Variants in TMEM19 observed in about 807,000 individuals in gnomAD.
The protein encoded by TMEM19 is transmembrane protein 19.
A neutral mutation model predicts 33.6 loss-of-function variants in TMEM19; 21 were observed. That is an observed-to-expected ratio of 0.62 (90% CI 0.44 to 0.90). TMEM19 has a LOEUF of 0.90. Among genes scored for constraint, TMEM19 ranks in the 40% least tolerant of loss-of-function variants. The pLI is 0.00. For synonymous variants in TMEM19, 149 were observed against 147.5 expected (o/e 1.01, Z -0.07); for missense variants, 402 against 401.8 (o/e 1.00, Z 0.00).
At position 71,693,562 on chromosome 12, in the gene TMEM19, C is replaced by G. The variant is rs552227918; in HGVS notation, c.245-2874C>G. 6.6e-4 allele frequency among the ~76,000 whole-genome samples: 100 copies of G among 152,202 alleles called. 1 individual carries two copies. Among genetic ancestry groups the G allele is most frequent in the African/African-American group, 2.4e-3 (98 of 41,510 alleles). On this transcript the variant is annotated intron_variant, in intron 2 of 5. Coordinates refer to ENST00000266673, the MANE Select transcript of TMEM19 (RefSeq NM_018279.4). ...CAATGAATTATCATGAAGTGTTATC[C>G]ATGTAAAATGCTTAGCACAGTACTT...
chr12:71,689,064 T>G (rs1292914075), intron 1 of TMEM19, among the ~76,000 whole-genome samples: 1 of 152,166 alleles, frequency 6.6e-6, no homozygotes. Flanking sequence ...GGACATAACC[T>G]ATTTGGCCAT....
chr12:71,692,107 C>T (rs1455877558), intron 2 of TMEM19, among the ~76,000 whole-genome samples: 1 of 152,152 alleles, frequency 6.6e-6, no homozygotes, highest in Non-Finnish European at 1.5e-5. Flanking sequence ...AAATCTCAAA[C>T]AAGATATTAT....
intron 1 of TMEM19, among the ~76,000 whole-genome samples, chr12:71,688,815 C>G (rs1881735649): frequency 6.6e-6 from 1 of 152,190 alleles, no homozygotes; most frequent in Admixed American, 6.5e-5. Flanking sequence ...AAACACTCTG[C>G]TAGCCAAACA....
chr12:71,697,053 TG>T, intron 3 of TMEM19, among the ~76,000 whole-genome samples: 1 of 152,292 alleles, frequency 6.6e-6, no homozygotes, highest in African/African-American at 2.4e-5. Flanking sequence ...TTCACAACAA[TG>T]GGAAATGACA....
rs561053862 is a variant in TMEM19, at chr12:71,691,307, A to G, written c.244+1603A>G. 2.0e-5 allele frequency among the ~76,000 whole-genome samples: 3 copies of G among 152,298 alleles called. No individual in the cohort carries two copies. The East Asian group carries it at 5.8e-4, about 29-fold the overall frequency. On this transcript the variant is annotated intron_variant, in intron 2 of 5. Transcript: ENST00000266673. ...ATGAATTTTATTTTACCATATAATC[A>G]ATAAGTATTAGGAGTGGTTATATTT...
rs748102881 is a variant in TMEM19, at chr12:71,699,339, T to C, written c.847+230T>C. 1.5e-4 allele frequency: 92 copies of C among 605,762 alleles called. 1 individual carries two copies. The South Asian group carries it at 1.6e-3, about 11-fold the overall frequency. The allele number at this position is 605,762 out of a possible 1,614,324, so 37.5% of individuals were successfully genotyped here. A position where few individuals can be genotyped will look rare whatever the true frequency, so the allele number is the denominator to read the frequency against. ...ATGATTAGAAGCCATGTGGGGAAGA[T>C]ACAATAGTGCAGAGAACAGACGTTT... On this transcript the variant is annotated intron_variant, in intron 5 of 5. Coordinates refer to ENST00000266673, the MANE Select transcript of TMEM19 (RefSeq NM_018279.4).
rs1881978613 is a variant in TMEM19, at chr12:71,701,465, A to G, written c.*470A>G. The stretch of plus-strand genomic sequence containing the variant: ...TTTAAGCTGATGTGTATGGGAGCCT[A>G]AACAAGTGTAGTATCCTGAACTTCT... On this transcript the variant is annotated 3_prime_UTR_variant, in exon 6 of 6. Coordinates refer to ENST00000266673, the MANE Select transcript of TMEM19 (RefSeq NM_018279.4). 1 of 152,414 alleles carries G rather than the reference A, an allele frequency of 6.6e-6. No individual in the cohort carries two copies. Among genetic ancestry groups the G allele is most frequent in the East Asian group, 1.9e-4 (1 of 5,204 alleles). The allele number at this position is 152,414 out of a possible 1,614,324, so 9.4% of individuals were successfully genotyped here.
intron 2 of TMEM19, among the ~76,000 whole-genome samples, chr12:71,691,376 G>A (rs1357310809): frequency 1.3e-5 from 2 of 151,800 alleles, no homozygotes; most frequent in African/African-American, 2.4e-5. Context: ...TATGTACCAG[G>A]CACTGCTGTT....
intron 2 of TMEM19, chr12:71,690,518 G>A (rs542322150): frequency 1.9e-4 from 29 of 152,236 alleles, no homozygotes; most frequent in African/African-American, 6.7e-4. Context: ...ACTTGGGATA[G>A]ATCTGTAAAC....
At chr12:71,698,610 AGAGAGAG>A (rs761875948) in intron 4 of TMEM19, among the ~76,000 whole-genome samples, 14,022 of 47,476 alleles carry the variant, frequency 0.3, 1,172 homozygotes, top group East Asian at 0.49. Context: ...CTCTGAAAAG[AGAGAGAG>A]AGAGAGAGAG....
chr12:71,696,791 C>T (rs1000250792), intron 3 of TMEM19, among the ~76,000 whole-genome samples: 1 of 151,920 alleles, frequency 6.6e-6, no homozygotes, highest in Non-Finnish European at 1.5e-5. Context: ...GGACTACAGG[C>T]GCCTGCAACC....
chr12:71,698,650 A>G (rs1029106025), intron 4 of TMEM19, among the ~76,000 whole-genome samples: 14 of 147,160 alleles, frequency 9.5e-5, no homozygotes, highest in Admixed American at 8.7e-4. Flanking sequence ...AGAGAGAGAG[A>G]GAGAGAGAGA....
chr12:71,702,635 A>AGTACTGAT lies in TMEM19; in HGVS notation c.*1643_*1650dup, dbSNP rs1430253441. On this transcript the variant is annotated 3_prime_UTR_variant, in exon 6 of 6. Transcript: ENST00000266673. ...AGCCACCAGGGCATGTTTTTAAAAA[A>AGTACTGAT]GTACTGATGTCTGGGTTTCACACTG... 1 of 152,226 alleles carries AGTACTGAT rather than the reference A, an allele frequency of 6.6e-6. No homozygotes were observed. Among genetic ancestry groups the AGTACTGAT allele is most frequent in the East Asian group, 1.9e-4 (1 of 5,184 alleles). The allele number at this position is 152,226 out of a possible 1,614,324, so 9.4% of individuals were successfully genotyped here.
At position 71,696,444 on chromosome 12, in the gene TMEM19, G is replaced by A. The variant is rs150015329; in HGVS notation, c.253G>A (p.Val85Ile). The change falls in exon 3 of 6, where the codon GTT (valine) becomes ATT (isoleucine). Residue 85 changes from valine (V) to isoleucine (I), a missense_variant. Coordinates refer to ENST00000266673, the MANE Select transcript of TMEM19 (RefSeq NM_018279.4). ...ATATATGTTTCTTTCAGGGCTAGTCGTTGGATTTATCCTAACCATTGCAAA... is the reference window on the plus strand; with the variant it reads ...ATATATGTTTCTTTCAGGGCTAGTCATTGGATTTATCCTAACCATTGCAAA... ...DHSGALGGLV[V>I]GFILTIANFS... 4.2e-5 allele frequency: 68 copies of A among 1,600,398 alleles called. No homozygotes were observed. Among genetic ancestry groups the A allele is most frequent in the Admixed American group, 1.2e-4 (7 of 58,422 alleles).
At position 71,701,930 on chromosome 12, in the gene TMEM19, C is replaced by G. The variant is rs1306200789; in HGVS notation, c.*935C>G. The G allele has an allele frequency of 6.6e-6, 1 of 152,240 alleles. No individual in the cohort carries two copies. The highest frequency in any genetic ancestry group is 2.4e-5 in the African/African-American group (1 of 41,468). The allele number at this position is 152,240 out of a possible 1,614,324, so 9.4% of individuals were successfully genotyped here. A position where few individuals can be genotyped will look rare whatever the true frequency, so the allele number is the denominator to read the frequency against. ...ACCTTCTAAGTTGTATTCTCTCTTA[C>G]ACTGTAGCCTCAACTAAGGCAATTC... On this transcript the variant is annotated 3_prime_UTR_variant, in exon 6 of 6. Coordinates refer to ENST00000266673, the MANE Select transcript of TMEM19 (RefSeq NM_018279.4).
intron 5 of TMEM19, among the ~76,000 whole-genome samples, chr12:71,700,047 C>G (rs1185258408): frequency 1.3e-5 from 2 of 152,126 alleles, no homozygotes; most frequent in African/African-American, 4.8e-5. Context: ...GAAGGGTTCT[C>G]TCAGTATAGT....
Position 71,703,988 on chromosome 12 carries a change from C to T in TMEM19, c.*2993C>T, listed in dbSNP as rs1882030509. 4.5e-6 allele frequency: 2 copies of T among 448,814 alleles called. No individual in the cohort carries two copies. The highest frequency in any genetic ancestry group is 2.1e-5 in the African/African-American group (1 of 48,750). 27.8% of individuals were successfully genotyped at this position (448,814 alleles called of 1,614,324 possible). The stretch of plus-strand genomic sequence containing the variant: ...TTTCCTCTTTGCAGAATGGGCAGTT[C>T]ATGTTAAAATCACTTTTCATGGAAA... On this transcript the variant is annotated 3_prime_UTR_variant, in exon 6 of 6. Coordinates refer to ENST00000266673, the MANE Select transcript of TMEM19 (RefSeq NM_018279.4).
chr12:71,695,311 G>T (rs1030558741), intron 2 of TMEM19, among the ~76,000 whole-genome samples: 7 of 152,162 alleles, frequency 4.6e-5, no homozygotes, highest in African/African-American at 1.7e-4. Context: ...GAAGTAAAAA[G>T]GATATAGATG....
intron 5 of TMEM19, chr12:71,699,826 G>A (rs560990979): frequency 6.6e-6 from 1 of 152,252 alleles, no homozygotes; most frequent in South Asian, 2.1e-4. Flanking sequence ...CTATAGCCTG[G>A]GCAACAGAGC....
Sources: allele counts gnomAD v4.1 joint callset (sites outside exome capture counted in the v4.1 genomes callset), GRCh38; gene constraint gnomAD v4.1.1; transcripts MANE v1.5; gene names NCBI Gene and HGNC (gene_info 2026-07-23, HGNC 2026-07-21).